Variants in MID1 observed in about 807,000 individuals in gnomAD.
The protein encoded by MID1 is midline 1, also known as E3 ubiquitin-protein ligase Midline-1.
A neutral mutation model predicts 40.4 loss-of-function variants in MID1; 7 were observed. That is an observed-to-expected ratio of 0.17 (90% CI 0.10 to 0.33). The LOEUF (loss-of-function observed/expected upper bound fraction) is 0.33. Among genes scored for constraint, MID1 ranks in the 10% least tolerant of loss-of-function variants. The pLI is 1.00. For missense variants in MID1, 367 were observed against 558.5 expected, an observed-to-expected ratio of 0.66 and a Z score of 3.46; for synonymous variants, 229 against 221.2, an observed-to-expected ratio of 1.04 and a Z score of -0.31.
chrX:10,541,839 G>A (rs1430740760), intron 2 of MID1, among the ~76,000 whole-genome samples: 1 of 110,882 alleles, frequency 9.0e-6, no homozygotes, highest in Non-Finnish European at 1.9e-5. Flanking sequence ...GAGGGTGGGG[G>A]CTTCAAGGGA....
chrX:10,749,425 A>G (rs772173352), intron 1 of MID1, among the ~76,000 whole-genome samples: 1 of 112,229 alleles, frequency 8.9e-6, no homozygotes, highest in Admixed American at 9.5e-5. Context: ...GTTTATGTGC[A>G]CACGAAATTT....
At chrX:10,727,095 C>G (rs1003931435) in intron 1 of MID1, among the ~76,000 whole-genome samples, 5 of 106,048 alleles carry the variant, frequency 4.7e-5, no homozygotes, top group Admixed American at 1.9e-4. Context: ...CTGTTTCTAT[C>G]TCATCATGAT....
intron 1 of MID1, among the ~76,000 whole-genome samples, chrX:10,642,125 C>T (rs1283568650): frequency 1.8e-5 from 2 of 112,023 alleles, no homozygotes; most frequent in South Asian, 3.7e-4. Flanking sequence ...GATGCCCTCT[C>T]TCACCACTCC....
intron 2 of MID1, among the ~76,000 whole-genome samples, chrX:10,535,799 C>T (rs976605677): frequency 4.5e-5 from 5 of 112,114 alleles, no homozygotes; most frequent in African/African-American, 1.3e-4. Flanking sequence ...AAAATTCTGA[C>T]GACAAAAGAA....
intron 1 of MID1, among the ~76,000 whole-genome samples, chrX:10,774,890 C>A (rs1380974022): frequency 9.0e-6 from 1 of 111,372 alleles, no homozygotes; most frequent in Non-Finnish European, 1.9e-5. Flanking sequence ...TATCTAAGTC[C>A]ACTTCAAATC....
intron 1 of MID1, among the ~76,000 whole-genome samples, chrX:10,571,954 T>C (rs1602421550): frequency 9.2e-6 from 1 of 108,610 alleles, no homozygotes; most frequent in East Asian, 2.9e-4. Context: ...AGACAGGGAA[T>C]AATCAACTCT....
rs773524443 is a variant in MID1, at chrX:10,469,782, A to G, written c.1200T>C (p.Thr400=). The part of the protein sequence containing the change: ...ELCTASYDTI[T]VHWTSDDEFS... ...ACTCATCATCGGAGGTCCAATGCAC[A>G]GTGATGGTGTCATATGAAGCTGTGC... The change falls in exon 7 of 10, where the codon ACT becomes ACC. Residue 400 remains threonine, a synonymous_variant. Transcript: ENST00000317552. 1.4e-5 allele frequency: 17 copies of G among 1,211,135 alleles called. No individual in the cohort carries two copies. In the South Asian group the frequency reaches 2.6e-4, roughly 19 times the overall value.
chrX:10,588,642 T>G (rs1441160106), intron 1 of MID1, among the ~76,000 whole-genome samples: 1 of 110,848 alleles, frequency 9.0e-6, no homozygotes, highest in African/African-American at 3.3e-5. Flanking sequence ...TCTCTCTGAC[T>G]TTCCTTTTGC....
chrX:10,622,454 A>G (rs1935945353), upstream of MID1, among the ~76,000 whole-genome samples: 1 of 111,812 alleles, frequency 8.9e-6, no homozygotes, highest in Admixed American at 9.5e-5. Flanking sequence ...CTCACCAACT[A>G]TCCAACAATC....
intron 1 of MID1, among the ~76,000 whole-genome samples, chrX:10,613,609 C>T (rs1465597358): frequency 9.8e-6 from 1 of 101,795 alleles, no homozygotes; most frequent in Non-Finnish European, 2.0e-5. Context: ...ATTTCGTAAT[C>T]ATTTCTGCAG....
At chrX:10,613,261 T>G (rs1935766117) in intron 1 of MID1, among the ~76,000 whole-genome samples, 1 of 111,704 alleles carries the variant, frequency 9.0e-6, no homozygotes, top group Non-Finnish European at 1.9e-5. Context: ...TTAGTCCTGT[T>G]GTTTCCATAA....
intron 1 of MID1, among the ~76,000 whole-genome samples, chrX:10,791,631 C>T (rs770280835): frequency 2.8e-4 from 31 of 111,444 alleles, no homozygotes; most frequent in Non-Finnish European, 5.6e-4. Flanking sequence ...ACATGTGGGT[C>T]CTGATCATAA....
At chrX:10,516,609 T>TGTGTGCGC (rs1491262374) in intron 3 of MID1, among the ~76,000 whole-genome samples, 1 of 50,373 alleles carries the variant, frequency 2.0e-5, no homozygotes, top group Non-Finnish European at 3.6e-5. Context: ...TGTGTGTGTG[T>TGTGTGCGC]GCGCGCGCGC....
At position 10,459,906 on chromosome X, in the gene MID1, G is replaced by A. The variant is rs138735293; in HGVS notation, c.1286-99C>T. ...AATTTCCATTTATTTGAATAGAGTTGGTAAGTGAAGTGCTTTGTCTTGGTA... is the reference window on the plus strand; with the variant it reads ...AATTTCCATTTATTTGAATAGAGTTAGTAAGTGAAGTGCTTTGTCTTGGTA... On this transcript the variant is annotated intron_variant, in intron 7 of 9. Transcript: ENST00000317552. The A allele has an allele frequency of 1.2e-3, 1,102 of 889,571 alleles. 8 individuals are homozygous for A. In the African/African-American group the frequency reaches 0.019, roughly 15 times the overall value. The allele number at this position is 889,571 out of a possible 1,213,427, so 73.3% of individuals were successfully genotyped here. A position where few individuals can be genotyped will look rare whatever the true frequency, so the allele number is the denominator to read the frequency against.
intron 2 of MID1, among the ~76,000 whole-genome samples, chrX:10,525,191 A>G (rs1273896777): frequency 8.9e-6 from 1 of 112,447 alleles, no homozygotes; most frequent in Admixed American, 9.4e-5. Context: ...TTAGAAAAGT[A>G]TATTAAGGAA....
intron 3 of MID1, among the ~76,000 whole-genome samples, chrX:10,511,627 A>T (rs1932165772): frequency 8.9e-6 from 1 of 112,049 alleles, no homozygotes; most frequent in East Asian, 2.8e-4. Context: ...GGCCTCAAAC[A>T]ATCCTCCCAC....
At chrX:10,524,994 C>T (rs368146972) in intron 2 of MID1, among the ~76,000 whole-genome samples, 1 of 111,343 alleles carries the variant, frequency 9.0e-6, no homozygotes, top group Non-Finnish European at 1.9e-5. Context: ...GGCAAAGATA[C>T]GGAACAACAG....
intron 1 of MID1, among the ~76,000 whole-genome samples, chrX:10,587,494 T>C (rs1452262979): frequency 8.9e-6 from 1 of 112,669 alleles, no homozygotes; most frequent in Non-Finnish European, 1.9e-5. Context: ...GAGCTTGGCA[T>C]GACTTATTAC....
intron 3 of MID1, among the ~76,000 whole-genome samples, chrX:10,517,389 C>A (rs1424625037): frequency 8.9e-6 from 1 of 112,076 alleles, no homozygotes; most frequent in Non-Finnish European, 1.9e-5. Context: ...AACTCCATGG[C>A]CTTTTTGGAG....
Sources: allele counts gnomAD v4.1 joint callset (sites outside exome capture counted in the v4.1 genomes callset), GRCh38; gene constraint gnomAD v4.1.1; transcripts MANE v1.5; gene names NCBI Gene and HGNC (gene_info 2026-07-23, HGNC 2026-07-21).